Variants in C1QTNF3 observed in about 807,000 individuals in gnomAD.
C1QTNF3 encodes the protein complement C1q tumor necrosis factor-related protein 3.
C1QTNF3 carries 26 observed loss-of-function variants against 32.6 expected under a neutral mutation model. That is an observed-to-expected ratio of 0.80 (90% confidence interval 0.58 to 1.11). The LOEUF (loss-of-function observed/expected upper bound fraction) is 1.11, where lower values mean the gene tolerates loss of function less well. Among genes scored for constraint, C1QTNF3 ranks in the 50% least tolerant of loss-of-function variants. The pLI is 0.00. For missense variants in C1QTNF3, 362 were observed against 398.2 expected (o/e 0.91, Z 0.77); for synonymous variants, 155 against 146.0 (o/e 1.06, Z -0.44).
the C1QTNF3 span, among the ~76,000 whole-genome samples, chr5:34,241,293 C>G: frequency 5.1e-4 from 77 of 152,076 alleles, no homozygotes; most frequent in Non-Finnish European, 9.3e-4. Context: ...TCAGAGCAAT[C>G]TCGCAACAGA....
chr5:34,155,363 C>T, the C1QTNF3 span, among the ~76,000 whole-genome samples: 10 of 152,280 alleles, frequency 6.6e-5, no homozygotes, highest in African/African-American at 2.4e-4. Flanking sequence ...TACAAGTAAT[C>T]CCGATTCCAA....
the C1QTNF3 span, among the ~76,000 whole-genome samples, chr5:34,211,328 A>G: frequency 1.3e-5 from 2 of 152,162 alleles, no homozygotes; most frequent in East Asian, 3.9e-4. Context: ...ATGAACTCCT[A>G]GGATCTTAGA....
the C1QTNF3 span, among the ~76,000 whole-genome samples, chr5:34,128,467 C>T: frequency 1.3e-5 from 2 of 152,192 alleles, no homozygotes; most frequent in Admixed American, 6.5e-5. Context: ...ACCGATAGCT[C>T]GCCCTGGCTG....
the C1QTNF3 span, among the ~76,000 whole-genome samples, chr5:34,118,068 T>C: frequency 6.6e-6 from 1 of 152,182 alleles, no homozygotes; most frequent in African/African-American, 2.4e-5. Context: ...ACCAGTATTC[T>C]GCTTTTTATC....
intron 1 of C1QTNF3, among the ~76,000 whole-genome samples, chr5:34,040,457 G>A (rs1199274847): frequency 6.6e-6 from 1 of 151,970 alleles, no homozygotes; most frequent in Non-Finnish European, 1.5e-5. Context: ...TGGGTATCCG[G>A]GAGAAGGAGG....
chr5:34,214,569 CAAT>C, the C1QTNF3 span, among the ~76,000 whole-genome samples: 3 of 152,020 alleles, frequency 2.0e-5, 1 homozygote, highest in African/African-American at 4.8e-5. Context: ...CCACATTCTA[CAAT>C]AATATGGAAA....
chr5:34,043,827 C>G (rs1447539332), upstream of C1QTNF3: 1 of 152,164 alleles, frequency 6.6e-6, no homozygotes, highest in Non-Finnish European at 1.5e-5. Flanking sequence ...TTCCCAAAAG[C>G]CAAAATTAAA....
At chr5:34,165,824 C>G in the C1QTNF3 span, 1 of 148,544 alleles carries the variant, frequency 6.7e-6, no homozygotes, top group African/African-American at 2.5e-5. Flanking sequence ...TAAATATTTT[C>G]CAAACTCCAT....
chr5:34,091,297 G>A, the C1QTNF3 span, among the ~76,000 whole-genome samples: 3 of 152,076 alleles, frequency 2.0e-5, no homozygotes, highest in African/African-American at 4.8e-5. Context: ...CATCAGCTTC[G>A]AGCTCTTCTA....
At chr5:34,030,953 G>A (rs1367743341) in intron 3 of C1QTNF3, among the ~76,000 whole-genome samples, 3 of 152,034 alleles carry the variant, frequency 2.0e-5, no homozygotes, top group African/African-American at 7.3e-5. Context: ...GTGGGAGGAG[G>A]GAGAGAATCA....
At chr5:34,082,729 C>A in the C1QTNF3 span, among the ~76,000 whole-genome samples, 1 of 151,668 alleles carries the variant, frequency 6.6e-6, no homozygotes, top group Non-Finnish European at 1.5e-5. Context: ...AAGCAACAGA[C>A]AAGGGTCAGC....
the C1QTNF3 span, among the ~76,000 whole-genome samples, chr5:34,078,787 T>G: frequency 6.6e-6 from 1 of 151,572 alleles, no homozygotes; most frequent in Non-Finnish European, 1.5e-5. This position sits in a 1 kb window ranked among gnomAD's most constrained non-coding sequence, Gnocchi z 4.0. Flanking sequence ...CCACCAGCTA[T>G]CGCCACATTT....
At chr5:34,045,595 A>T (rs2112129965), upstream of C1QTNF3, among the ~76,000 whole-genome samples, 1 of 152,316 alleles carries the variant, frequency 6.6e-6, no homozygotes, top group Non-Finnish European at 1.5e-5. Flanking sequence ...AGGTGATAGA[A>T]GCTTGCAGAG....
chr5:34,143,037 T>A, the C1QTNF3 span, among the ~76,000 whole-genome samples: 2 of 152,152 alleles, frequency 1.3e-5, no homozygotes, highest in African/African-American at 4.8e-5. Context: ...ATGCAAGGAA[T>A]AGAGTAAAAT....
At chr5:34,147,071 A>G in the C1QTNF3 span, among the ~76,000 whole-genome samples, 1 of 152,220 alleles carries the variant, frequency 6.6e-6, no homozygotes, top group African/African-American at 2.4e-5. Flanking sequence ...TAATCATCAA[A>G]GAAATGCAAA....
chr5:34,133,543 T>C, the C1QTNF3 span, among the ~76,000 whole-genome samples: 1 of 152,194 alleles, frequency 6.6e-6, no homozygotes, highest in Non-Finnish European at 1.5e-5. Context: ...CTAATGGAGC[T>C]TCTAACACAT....
chr5:34,041,471 C>G (rs1264018374), intron 1 of C1QTNF3, among the ~76,000 whole-genome samples: 1 of 152,044 alleles, frequency 6.6e-6, no homozygotes, highest in Non-Finnish European at 1.5e-5. Context: ...ATCTGTTGGC[C>G]AAGAAGGATA....
chr5:34,131,129 TC>T, the C1QTNF3 span, among the ~76,000 whole-genome samples: 1 of 152,222 alleles, frequency 6.6e-6, no homozygotes, highest in Non-Finnish European at 1.5e-5. Flanking sequence ...AAACTAGTAG[TC>T]CCTACTTCTA....
the C1QTNF3 span, chr5:34,167,386 T>C: frequency 6.6e-6 from 1 of 152,248 alleles, no homozygotes; most frequent in Non-Finnish European, 1.5e-5. Flanking sequence ...TGCTGCTCTC[T>C]TTCTCTATCT....
Sources: allele counts gnomAD v4.1 joint callset (sites outside exome capture counted in the v4.1 genomes callset), GRCh38; gene constraint gnomAD v4.1.1; non-coding constraint Gnocchi (gnomAD v3.1); transcripts MANE v1.5; gene names NCBI Gene and HGNC (gene_info 2026-07-23, HGNC 2026-07-21).